The following PEBP4 variants were observed in gnomAD, a reference collection of about 807,000 sequenced individuals.
The protein encoded by PEBP4 is phosphatidylethanolamine binding protein 4, also known as phosphatidylethanolamine-binding protein 4.
A neutral mutation model predicts 23.9 loss-of-function variants in PEBP4; 22 were observed. That is an observed-to-expected ratio of 0.92 (90% CI 0.66 to 1.31). The LOEUF is 1.31. Among genes scored for constraint, PEBP4 ranks in the 40% most tolerant of loss-of-function variants. PEBP4 has a pLI of 0.00. For missense variants in PEBP4, 324 were observed against 281.7 expected (o/e 1.15, Z -1.07); for synonymous variants, 112 against 99.3 (o/e 1.13, Z -0.76).
chr8:22,925,163 C>T (rs1198173213), intron 2 of PEBP4: 1 of 985,390 alleles, frequency 1.0e-6, no homozygotes, highest in Non-Finnish European at 1.2e-6. Flanking sequence ...CAAAAATCTT[C>T]AGTGACAATA....
intron 1 of PEBP4, among the ~76,000 whole-genome samples, chr8:22,934,939 A>T (rs1366231714): frequency 1.3e-5 from 2 of 152,238 alleles, no homozygotes; most frequent in Non-Finnish European, 2.9e-5. Context: ...AGATGTACAC[A>T]GTAACGAAAA....
At chr8:22,719,314 C>T (rs570840068) in intron 6 of PEBP4, among the ~76,000 whole-genome samples, 84 of 152,324 alleles carry the variant, frequency 5.5e-4, no homozygotes, top group Non-Finnish European at 1.0e-3. Context: ...CTGGAGCAAG[C>T]TGTGGCATGT....
chr8:22,815,342 G>C (rs143700074), intron 4 of PEBP4, among the ~76,000 whole-genome samples: 3,494 of 152,290 alleles, frequency 0.023, 69 homozygotes, highest in South Asian at 0.075. Flanking sequence ...TTCTGCGGGT[G>C]GGGTAGTGCC....
chr8:22,824,018 T>C (rs1483126080), intron 3 of PEBP4, among the ~76,000 whole-genome samples: 1 of 147,726 alleles, frequency 6.8e-6, no homozygotes, highest in Non-Finnish European at 1.5e-5. Context: ...GATCTCCAAA[T>C]CCTATGAACT....
At chr8:22,930,917 T>C (rs1363363809), upstream of PEBP4, among the ~76,000 whole-genome samples, 1 of 152,156 alleles carries the variant, frequency 6.6e-6, no homozygotes, top group Non-Finnish European at 1.5e-5. Flanking sequence ...CTTCCTTCAG[T>C]TACCTGGGCT....
chr8:22,769,252 C>A (rs1242547506), intron 4 of PEBP4, among the ~76,000 whole-genome samples: 6 of 152,214 alleles, frequency 3.9e-5, no homozygotes, highest in African/African-American at 1.4e-4. Context: ...CTCCCTCAGG[C>A]CCATACTCTT....
intron 3 of PEBP4, among the ~76,000 whole-genome samples, chr8:22,915,562 T>C (rs1409347029): frequency 6.6e-6 from 1 of 152,188 alleles, no homozygotes; most frequent in Admixed American, 6.5e-5. Flanking sequence ...TCTGAATCAA[T>C]AGCACTGACA....
intron 3 of PEBP4, among the ~76,000 whole-genome samples, chr8:22,829,582 T>C (rs1807038920): frequency 6.6e-6 from 1 of 152,156 alleles, no homozygotes; most frequent in South Asian, 2.1e-4. Context: ...TCTCCCATTG[T>C]CTTAGTGAAG....
At chr8:22,801,257 A>C (rs979328005) in intron 4 of PEBP4, among the ~76,000 whole-genome samples, 2 of 152,158 alleles carry the variant, frequency 1.3e-5, no homozygotes, top group Non-Finnish European at 2.9e-5. Context: ...GCATGATCTC[A>C]CTTGAGCCTC....
At chr8:22,748,626 G>A (rs1563203315) in intron 4 of PEBP4, among the ~76,000 whole-genome samples, 1 of 151,892 alleles carries the variant, frequency 6.6e-6, no homozygotes, top group East Asian at 1.9e-4. Context: ...AGGAGGGGGT[G>A]TGACTCAGAG....
At chr8:22,727,244 T>C (rs139585593) in intron 4 of PEBP4, 24 bp from the exon 5 acceptor site, 2 of 1,611,968 alleles carry the variant, frequency 1.2e-6, no homozygotes, top group Admixed American at 1.7e-5. Context: ...CAAGCAGGGC[T>C]GTAGGTTATG....
intron 3 of PEBP4, chr8:22,878,193 G>A (rs564150340): frequency 1.3e-5 from 2 of 151,382 alleles, no homozygotes; most frequent in South Asian, 2.1e-4. Context: ...TGAGGGAAAG[G>A]GGGTGGAGGG....
At chr8:22,786,086 CTT>C (rs1563215596) in intron 4 of PEBP4, among the ~76,000 whole-genome samples, 1 of 152,212 alleles carries the variant, frequency 6.6e-6, no homozygotes, top group Non-Finnish European at 1.5e-5. Flanking sequence ...TCCTGGCTGT[CTT>C]TCCCTTCCTC....
At chr8:22,898,401 A>C (rs1213612264) in intron 3 of PEBP4, among the ~76,000 whole-genome samples, 1,548 of 103,818 alleles carry the variant, frequency 0.015, 155 homozygotes, top group African/African-American at 0.042. Flanking sequence ...CAAAAAAAAA[A>C]AAAAAAAAAA....
At chr8:22,907,340 T>A (rs919891324) in intron 3 of PEBP4, among the ~76,000 whole-genome samples, 1 of 152,098 alleles carries the variant, frequency 6.6e-6, no homozygotes, top group Non-Finnish European at 1.5e-5. Flanking sequence ...GGTGAAACCC[T>A]GTCTTTACTA....
intron 3 of PEBP4, among the ~76,000 whole-genome samples, chr8:22,840,150 A>G (rs1807292956): frequency 6.6e-6 from 1 of 152,250 alleles, no homozygotes; most frequent in African/African-American, 2.4e-5. Flanking sequence ...GATGAATTAT[A>G]TCTAACCGTG....
intron 3 of PEBP4, among the ~76,000 whole-genome samples, chr8:22,847,125 C>T (rs550151774): frequency 2.0e-5 from 3 of 152,226 alleles, no homozygotes; most frequent in Admixed American, 2.0e-4. Context: ...TTTTTCTTTA[C>T]GTTATTCCTT....
At chr8:22,803,710 T>A (rs1014694328) in intron 4 of PEBP4, among the ~76,000 whole-genome samples, 1 of 152,020 alleles carries the variant, frequency 6.6e-6, no homozygotes. Flanking sequence ...CATCTCTGAG[T>A]GAACATGTCT....
intron 3 of PEBP4, among the ~76,000 whole-genome samples, chr8:22,909,257 C>T (rs973793655): frequency 1.3e-5 from 2 of 152,204 alleles, no homozygotes; most frequent in Non-Finnish European, 2.9e-5. Flanking sequence ...ACACCTAAGA[C>T]GTGGGTCCAG....
Sources: allele counts gnomAD v4.1 joint callset (sites outside exome capture counted in the v4.1 genomes callset), GRCh38; gene constraint gnomAD v4.1.1; transcripts MANE v1.5; gene names NCBI Gene and HGNC (gene_info 2026-07-23, HGNC 2026-07-21).